SLC6A16: variants seen among roughly 807,000 people sequenced by gnomAD.
The protein encoded by SLC6A16 is solute carrier family 6 member 16.
A neutral mutation model predicts 65.4 loss-of-function variants in SLC6A16; 54 were observed. The ratio of observed to expected loss-of-function variants is 0.83; its 90% confidence interval spans 0.66 to 1.04. The LOEUF is 1.04. Ranked by LOEUF, SLC6A16 falls within the 50% of genes least tolerant of loss-of-function variation. The pLI, the probability that SLC6A16 is intolerant of heterozygous loss-of-function variation, is 0.00. For synonymous variants in SLC6A16, 330 were observed against 346.5 expected, an observed-to-expected ratio of 0.95 and a Z score of 0.53; for missense variants, 816 against 914.0, an observed-to-expected ratio of 0.89 and a Z score of 1.38.
chr19:49,320,126 A>G (rs1970685043), intron 1 of SLC6A16, among the ~76,000 whole-genome samples: 1 of 152,174 alleles, frequency 6.6e-6, no homozygotes, highest in Non-Finnish European at 1.5e-5. Context: ...AACAAAAAAG[A>G]GGCCGGATGC....
At chr19:49,316,140 A>G (rs1970609962) in intron 1 of SLC6A16, among the ~76,000 whole-genome samples, 1 of 152,202 alleles carries the variant, frequency 6.6e-6, no homozygotes, top group African/African-American at 2.4e-5. Flanking sequence ...GCAATACATA[A>G]TTAGAAAATA....
At chr19:49,337,601 C>T in the SLC6A16 span, 3 of 1,420,662 alleles carry the variant, frequency 2.1e-6, no homozygotes, top group African/African-American at 4.3e-5. Context: ...AGAGTGAGAC[C>T]CTGTCTCAAA....
Position 49,310,922 on chromosome 19 carries a change from C to T in SLC6A16, c.415+11G>A. 1 of 1,601,980 alleles carries T rather than the reference C, an allele frequency of 6.2e-7. No homozygotes were observed. Among genetic ancestry groups the T allele is most frequent in the East Asian group, 2.2e-5 (1 of 44,808 alleles). On this transcript the variant is annotated intron_variant, in intron 2 of 11. Transcript: ENST00000335875. ...CCTTGTGGACCCAGGTTTCCTGGTC[C>T]CCAGACTTACAGCCTCCACTGTTAA...
chr19:49,316,891 G>C (rs1970621741), intron 1 of SLC6A16, among the ~76,000 whole-genome samples: 1 of 150,258 alleles, frequency 6.7e-6, no homozygotes, highest in African/African-American at 2.5e-5. Context: ...ATTAAAATTA[G>C]CCAGGCATAG....
the SLC6A16 span, chr19:49,340,211 A>G: frequency 6.4e-7 from 1 of 1,558,218 alleles, no homozygotes. Context: ...TCTCGCCAGC[A>G]CCCCTTCGAC....
At chr19:49,310,017 C>T (rs1166759543) in intron 4 of SLC6A16, 23 bp downstream of exon 4, 2 of 1,610,960 alleles carry the variant, frequency 1.2e-6, no homozygotes, top group Admixed American at 3.4e-5. Context: ...TTCCCTTCTC[C>T]TCTTCTTTCA....
chr19:49,340,222 TTC>T, the SLC6A16 span: 4 of 1,541,188 alleles, frequency 2.6e-6, no homozygotes, highest in East Asian at 9.8e-5. Flanking sequence ...CCCCTTCGAC[TTC>T]TCTGACCTCA....
At chr19:49,316,598 G>A (rs566978810) in intron 1 of SLC6A16, among the ~76,000 whole-genome samples, 14 of 152,120 alleles carry the variant, frequency 9.2e-5, no homozygotes, top group Non-Finnish European at 1.6e-4. Context: ...AGAAACTGAA[G>A]GGACCAGGGC....
chr19:49,298,816 C>T lies in SLC6A16; in HGVS notation c.1230-4263G>A, dbSNP rs973369984. On this transcript the variant is annotated intron_variant, in intron 7 of 11. Coordinates refer to ENST00000335875, the MANE Select transcript of SLC6A16 (RefSeq NM_014037.3). ...ACATGAAATCAAGCTAGATGCCCAA[C>T]AATGGTAGACTGGATAAAGAAAATG... Among the ~76,000 whole-genome samples the T allele has an allele frequency of 2.6e-5, 4 of 152,122 alleles. No homozygotes were observed. The South Asian group carries it at 8.3e-4, about 32-fold the overall frequency.
intron 10 of SLC6A16, among the ~76,000 whole-genome samples, chr19:49,291,730 G>A (rs1043008879): frequency 1.3e-5 from 2 of 151,854 alleles, no homozygotes; most frequent in African/African-American, 4.8e-5. Flanking sequence ...GTCTCCTTTA[G>A]TACATATTCT....
chr19:49,307,355 T>A (rs892192789), intron 7 of SLC6A16, among the ~76,000 whole-genome samples: 1 of 151,802 alleles, frequency 6.6e-6, no homozygotes, highest in African/African-American at 2.4e-5. Context: ...ACATCCCTGA[T>A]GGGAGGGCAA....
At chr19:49,291,134 T>G (rs1412715512) in intron 10 of SLC6A16, among the ~76,000 whole-genome samples, 1 of 152,208 alleles carries the variant, frequency 6.6e-6, no homozygotes, top group Non-Finnish European at 1.5e-5. Flanking sequence ...CATTTGGCCC[T>G]TGGTGAACTT....
At position 49,309,369 on chromosome 19, in the gene SLC6A16, C is replaced by T. The variant is rs371386937; in HGVS notation, c.919G>A (p.Gly307Ser). 9.3e-6 allele frequency: 15 copies of T among 1,613,860 alleles called. No homozygotes were observed. The highest frequency in any genetic ancestry group is 1.7e-5 in the Admixed American group (1 of 59,962). Reference protein sequence around the residue: ...LVLLPCFIIVGFFIRTLLLEG... With the variant: ...LVLLPCFIIVSFFIRTLLLEG... ...AGGAGTAGAGTCCGGATGAAGAAACCGACAATGATGAAACAGGGGAGCAGT... is the reference window on the plus strand; with the variant it reads ...AGGAGTAGAGTCCGGATGAAGAAACTGACAATGATGAAACAGGGGAGCAGT... The change falls in exon 6 of 12, where the codon GGT (glycine) becomes AGT (serine). Residue 307 changes from glycine (G) to serine (S), a missense_variant. Coordinates refer to ENST00000335875, the MANE Select transcript of SLC6A16 (RefSeq NM_014037.3).
At chr19:49,333,775 C>T in the SLC6A16 span, among the ~76,000 whole-genome samples, 15 of 152,146 alleles carry the variant, frequency 9.9e-5, no homozygotes, top group Non-Finnish European at 1.5e-5. Flanking sequence ...CAAGATGGAG[C>T]TTTGACCTCA....
the SLC6A16 span, among the ~76,000 whole-genome samples, chr19:49,333,202 G>A: frequency 1.3e-5 from 2 of 151,896 alleles, no homozygotes; most frequent in Non-Finnish European, 2.9e-5. Context: ...CCTGGGTGTG[G>A]TGGCTCATGC....
At chr19:49,329,622 C>CTTTT (rs71180620), upstream of SLC6A16, among the ~76,000 whole-genome samples, 42 of 70,762 alleles carry the variant, frequency 5.9e-4, no homozygotes, top group South Asian at 1.3e-3. Flanking sequence ...AAGGCCTTGT[C>CTTTT]TTTTTTTTTT....
Position 49,290,681 on chromosome 19 carries a change from A to G in SLC6A16, c.1865T>C (p.Leu622Pro). The G allele has an allele frequency of 1.2e-6, 2 of 1,614,064 alleles. No individual in the cohort carries two copies. Among genetic ancestry groups the G allele is most frequent in the Non-Finnish European group, 1.7e-6 (2 of 1,179,962 alleles). Residue 622 changes from leucine (L) to proline (P), a missense_variant, in exon 11 of 12, where the codon CTG becomes CCG. Coordinates refer to ENST00000335875, the MANE Select transcript of SLC6A16 (RefSeq NM_014037.3). ...WLWPHLCPVV[L>P]LIIFVTMMVH... ...CATCATGGTCACAAAGATGATTAGC[A>G]GCACAACTGGACACAGATGGGGCCA...
chr19:49,332,765 A>G, the SLC6A16 span, among the ~76,000 whole-genome samples: 148 of 152,338 alleles, frequency 9.7e-4, no homozygotes, highest in African/African-American at 3.5e-3. Context: ...TTTTTGTAGA[A>G]AATGATGGGA....
At chr19:49,331,198 C>CT in the SLC6A16 span, among the ~76,000 whole-genome samples, 1 of 151,688 alleles carries the variant, frequency 6.6e-6, no homozygotes, top group African/African-American at 2.4e-5. Flanking sequence ...CTTTTTTTTC[C>CT]CCTGTAGGGT....
Sources: allele counts gnomAD v4.1 joint callset (sites outside exome capture counted in the v4.1 genomes callset), GRCh38; gene constraint gnomAD v4.1.1; transcripts MANE v1.5; gene names NCBI Gene and HGNC (gene_info 2026-07-23, HGNC 2026-07-21).